Variants in CFAP184 observed in about 807,000 individuals in gnomAD.
CFAP184 encodes the protein cilia- and flagella-associated protein 184.
chr4:7,041,122 G>A, the CFAP184 span: 1 of 1,271,748 alleles, frequency 7.9e-7, no homozygotes, highest in South Asian at 2.0e-5. Flanking sequence ...GCTCAGCACT[G>A]ATTTGGAAGC....
At chr4:7,041,399 T>C in the CFAP184 span, 1 of 1,614,248 alleles carries the variant, frequency 6.2e-7, no homozygotes, top group Non-Finnish European at 8.5e-7. Flanking sequence ...TTGTCCACCT[T>C]TTCTTCCAAG....
the CFAP184 span, chr4:7,042,958 C>T: frequency 1.4e-6 from 2 of 1,405,372 alleles, no homozygotes; most frequent in Non-Finnish European, 1.9e-6. Flanking sequence ...GCTCGGCCAG[C>T]GCAGCGGACC....
the CFAP184 span, chr4:7,042,734 C>T: frequency 6.6e-7 from 1 of 1,521,344 alleles, no homozygotes; most frequent in South Asian, 1.2e-5. Flanking sequence ...CCTTTCGGGG[C>T]CTCGGCCTGC....
the CFAP184 span, chr4:7,042,030 C>T: frequency 6.2e-7 from 1 of 1,611,900 alleles, no homozygotes; most frequent in Non-Finnish European, 8.5e-7. Flanking sequence ...GGTGGTACCA[C>T]TGCAGGTCGT....
chr4:7,041,427 C>T, the CFAP184 span: 1 of 1,614,208 alleles, frequency 6.2e-7, no homozygotes, highest in Non-Finnish European at 8.5e-7. Flanking sequence ...GAAGTGAGTC[C>T]TTGCCTAGAA....
the CFAP184 span, chr4:7,042,071 T>C: frequency 6.2e-7 from 1 of 1,610,712 alleles, no homozygotes; most frequent in Admixed American, 1.7e-5. Flanking sequence ...TCCTCCAGCA[T>C]GCCCAGATGG....
chr4:7,042,581 G>T, the CFAP184 span: 1 of 1,550,088 alleles, frequency 6.5e-7, no homozygotes. Flanking sequence ...TCCGCCTCTA[G>T]TTCCTCGGGC....
chr4:7,041,270 G>A, the CFAP184 span: 1 of 1,586,188 alleles, frequency 6.3e-7, no homozygotes, highest in East Asian at 2.2e-5. Context: ...CATCGATCTG[G>A]TCAAGAAGGG....
At chr4:7,042,102 C>T in the CFAP184 span, 1 of 1,608,454 alleles carries the variant, frequency 6.2e-7, no homozygotes, top group Admixed American at 1.7e-5. Flanking sequence ...CTTGCTCTTT[C>T]TCGGGGGCCT....
chr4:7,042,567 C>A, the CFAP184 span: 2 of 1,561,682 alleles, frequency 1.3e-6, no homozygotes, highest in Non-Finnish European at 1.7e-6. Context: ...CCTCCGCCCC[C>A]GCCTCCGCCT....
At chr4:7,042,660 G>T in the CFAP184 span, 3 of 1,502,120 alleles carry the variant, frequency 2.0e-6, no homozygotes, top group Non-Finnish European at 2.7e-6. Context: ...GCTCGGGCTG[G>T]GGCTCGGCCG....
the CFAP184 span, chr4:7,042,247 T>C: frequency 6.3e-7 from 1 of 1,597,858 alleles, no homozygotes; most frequent in Non-Finnish European, 8.5e-7. Context: ...GGAACGGTAC[T>C]GGTCCAGGAG....
At chr4:7,041,925 C>G in the CFAP184 span, 1 of 1,612,936 alleles carries the variant, frequency 6.2e-7, no homozygotes, top group Admixed American at 1.7e-5. Flanking sequence ...TGGCCTGCAT[C>G]ACCACCTGCT....
chr4:7,042,244 T>C, the CFAP184 span: 5 of 1,599,454 alleles, frequency 3.1e-6, no homozygotes, highest in Non-Finnish European at 4.3e-6. Context: ...CAGGGAACGG[T>C]ACTGGTCCAG....
chr4:7,042,440 C>A, the CFAP184 span: 1 of 1,611,634 alleles, frequency 6.2e-7, no homozygotes, highest in Non-Finnish European at 8.5e-7. Context: ...TCTTCCTCCC[C>A]CTCCACCCGC....
At chr4:7,042,677 C>T in the CFAP184 span, 14 of 1,508,336 alleles carry the variant, frequency 9.3e-6, no homozygotes, top group Non-Finnish European at 1.1e-5. Flanking sequence ...GCCGGCCTCC[C>T]CGGCTCTCCA....
chr4:7,042,879 G>C, the CFAP184 span: 2 of 1,560,354 alleles, frequency 1.3e-6, no homozygotes, highest in South Asian at 1.2e-5. Flanking sequence ...GCGCGGCCAG[G>C]CTTTCCCCGT....
chr4:7,041,703 C>T, the CFAP184 span: 17 of 1,614,126 alleles, frequency 1.1e-5, no homozygotes, highest in African/African-American at 2.3e-4. Flanking sequence ...GGTTCTCAAT[C>T]TTCAGCTGTT....
At chr4:7,041,992 C>T in the CFAP184 span, 1 of 1,612,474 alleles carries the variant, frequency 6.2e-7, no homozygotes, top group Non-Finnish European at 8.5e-7. Context: ...CTTCTCCTGG[C>T]ACTGCCGCTT....
Sources: allele counts gnomAD v4.1 joint callset, GRCh38; gene constraint gnomAD v4.1.1; transcripts MANE v1.5; gene names NCBI Gene and HGNC (gene_info 2026-07-23, HGNC 2026-07-21).